The following FSTL5 variants were observed in gnomAD, a reference collection of about 807,000 sequenced individuals.
FSTL5 encodes follistatin like 5, also known as follistatin-related protein 5.
In FSTL5, 62 loss-of-function variants were observed where a neutral mutation model predicts 89.1. The ratio of observed to expected loss-of-function variants is 0.70; its 90% CI spans 0.57 to 0.86. FSTL5 has a LOEUF of 0.86. FSTL5 is among the 40% of genes least tolerant of loss of function. The pLI is 0.00. For missense variants in FSTL5, 1,057 were observed against 1,001.6 expected (o/e 1.06, Z -0.75); for synonymous variants, 383 against 346.2 (o/e 1.11, Z -1.18).
intron 3 of FSTL5, among the ~76,000 whole-genome samples, chr4:161,965,866 T>C (rs1292685948): frequency 3.9e-5 from 6 of 152,054 alleles, no homozygotes. Context: ...TTTTCACCAT[T>C]TACCAGTAGA....
intron 15 of FSTL5, among the ~76,000 whole-genome samples, chr4:161,452,560 T>A (rs1483526793): frequency 6.6e-6 from 1 of 152,102 alleles, no homozygotes; most frequent in South Asian, 2.1e-4. Flanking sequence ...GTGGAATAAA[T>A]CCTCATTATG....
At chr4:161,970,304 T>C (rs946852267) in intron 3 of FSTL5, among the ~76,000 whole-genome samples, 1 of 152,132 alleles carries the variant, frequency 6.6e-6, no homozygotes, top group Non-Finnish European at 1.5e-5. Flanking sequence ...AAGTTTATCT[T>C]GATATATCAG....
At chr4:161,815,817 C>CA (rs1413642091) in intron 4 of FSTL5, among the ~76,000 whole-genome samples, 1 of 152,010 alleles carries the variant, frequency 6.6e-6, no homozygotes, top group African/African-American at 2.4e-5. Flanking sequence ...TACTAAATTT[C>CA]ATTATTTATT....
intron 3 of FSTL5, among the ~76,000 whole-genome samples, chr4:161,973,344 T>A (rs373311325): frequency 1.3e-5 from 2 of 152,296 alleles, no homozygotes; most frequent in East Asian, 1.9e-4. Context: ...AATATTTTGA[T>A]CACAAGTGTA....
intron 11 of FSTL5, among the ~76,000 whole-genome samples, chr4:161,509,510 A>G (rs900096677): frequency 3.9e-5 from 6 of 152,130 alleles, no homozygotes; most frequent in Non-Finnish European, 8.8e-5. Flanking sequence ...GAGAAAAAAA[A>G]AATAAGTGGA....
chr4:161,963,700 C>A (rs952235481), intron 3 of FSTL5, among the ~76,000 whole-genome samples: 2 of 151,932 alleles, frequency 1.3e-5, no homozygotes, highest in African/African-American at 4.8e-5. Context: ...GTTTGCCCAA[C>A]TATTACTGCT....
chr4:161,932,701 G>A (rs1734324899), intron 3 of FSTL5, among the ~76,000 whole-genome samples: 1 of 151,706 alleles, frequency 6.6e-6, no homozygotes, highest in Non-Finnish European at 1.5e-5. Context: ...TTTCTGATGA[G>A]CCAATATGAT....
chr4:161,811,227 G>C lies in FSTL5; in HGVS notation c.410-35153C>G, dbSNP rs74763322. The stretch of plus-strand genomic sequence containing the variant: ...AAAACAAAACGAAAAAATCAAGGAA[G>C]AAACAACCAGAGTGCCAAAGGAGGA... On this transcript the variant is annotated intron_variant, in intron 4 of 15. Coordinates refer to ENST00000306100, the MANE Select transcript of FSTL5 (RefSeq NM_020116.5). Among the ~76,000 whole-genome samples, 40 of 152,108 alleles carry C rather than the reference G, an allele frequency of 2.6e-4. 1 individual carries two copies. In the East Asian group the frequency reaches 7.3e-3, roughly 28 times the overall value.
chr4:162,160,968 A>AT (rs1733672150), intron 1 of FSTL5, among the ~76,000 whole-genome samples: 1 of 151,944 alleles, frequency 6.6e-6, no homozygotes, highest in African/African-American at 2.4e-5. Context: ...TATAAATTTC[A>AT]TTTTTGACTC....
intron 8 of FSTL5, chr4:161,552,577 A>G (rs1732252835): frequency 6.6e-6 from 1 of 151,806 alleles, no homozygotes; most frequent in Non-Finnish European, 1.5e-5. Flanking sequence ...TTATTGATGT[A>G]CTTATGAAGG....
intron 7 of FSTL5, 66 bp downstream of exon 7, chr4:161,656,262 T>A (rs1736509073): frequency 2.5e-6 from 2 of 810,720 alleles, no homozygotes; most frequent in African/African-American, 3.6e-5. Flanking sequence ...TCCCCTGACA[T>A]CACAAAGTCT....
chr4:161,835,028 C>T lies in FSTL5; in HGVS notation c.410-58954G>A, dbSNP rs561255989. ...TAAGCCAAAAGAACAAAGCTGGAGG[C>T]ATCATGATACTTGACTTCAAACTAT... is the stretch of plus-strand genomic sequence containing the variant. On this transcript the variant is annotated intron_variant, in intron 4 of 15. Coordinates refer to ENST00000306100, the MANE Select transcript of FSTL5 (RefSeq NM_020116.5). Among the ~76,000 whole-genome samples, 15 of 145,078 alleles carry T rather than the reference C, an allele frequency of 1.0e-4. No individual in the cohort carries two copies. In the East Asian group the frequency reaches 2.9e-3, roughly 28 times the overall value.
chr4:162,079,461 T>G (rs939818201), intron 2 of FSTL5, among the ~76,000 whole-genome samples: 1 of 151,676 alleles, frequency 6.6e-6, no homozygotes, highest in African/African-American at 2.4e-5. Context: ...AAAATGGTTA[T>G]GAGCATGTGG....
At chr4:162,143,166 A>AT (rs200445348) in intron 1 of FSTL5, among the ~76,000 whole-genome samples, 20 of 140,982 alleles carry the variant, frequency 1.4e-4, no homozygotes, top group African/African-American at 3.6e-4. Flanking sequence ...CAATACCTCT[A>AT]TTTTTTTTCC....
chr4:161,998,625 T>C (rs1296939596), intron 3 of FSTL5, among the ~76,000 whole-genome samples: 1 of 152,182 alleles, frequency 6.6e-6, no homozygotes, highest in Non-Finnish European at 1.5e-5. Context: ...AACAAGTGTC[T>C]AGTACAATTT....
At chr4:161,658,682 C>G (rs1440672808) in intron 6 of FSTL5, among the ~76,000 whole-genome samples, 2 of 152,106 alleles carry the variant, frequency 1.3e-5, no homozygotes, top group Non-Finnish European at 2.9e-5. Context: ...AAGTTGAAAT[C>G]TGCATACACA....
intron 6 of FSTL5, among the ~76,000 whole-genome samples, chr4:161,749,155 C>T (rs559183769): frequency 6.6e-6 from 1 of 152,070 alleles, no homozygotes; most frequent in Admixed American, 6.5e-5. Context: ...ACCATTTGAC[C>T]CATCAACCCC....
intron 15 of FSTL5, among the ~76,000 whole-genome samples, chr4:161,433,976 C>T (rs1289594616): frequency 6.6e-6 from 1 of 152,002 alleles, no homozygotes; most frequent in Non-Finnish European, 1.5e-5. Context: ...CTCCAAACTA[C>T]CTAAAGCAAT....
chr4:161,689,508 T>C (rs1737858702), intron 6 of FSTL5, among the ~76,000 whole-genome samples: 1 of 152,178 alleles, frequency 6.6e-6, no homozygotes, highest in African/African-American at 2.4e-5. Flanking sequence ...GTGGGATTCA[T>C]TAAAATGCAT....
Sources: gnomAD v4.1 joint callset for allele counts (sites outside exome capture counted in the v4.1 genomes callset) on GRCh38, gnomAD v4.1.1 for gene constraint, MANE v1.5 for transcripts, NCBI Gene and HGNC (gene_info 2026-07-23, HGNC 2026-07-21) for gene names.